RPAP2: variants seen among roughly 807,000 people sequenced by gnomAD.
The protein encoded by RPAP2 is RNA polymerase II associated protein 2.
RPAP2 carries 52 observed loss-of-function variants against 73.1 expected under a neutral mutation model. That is an observed-to-expected ratio of 0.71 (90% CI 0.57 to 0.90). The LOEUF (loss-of-function observed/expected upper bound fraction) is 0.90. Ranked by LOEUF, RPAP2 falls within the 40% of genes least tolerant of loss-of-function variation. The pLI, the probability that RPAP2 is intolerant of heterozygous loss-of-function variation, is 0.00. For synonymous variants in RPAP2, 225 were observed against 242.1 expected (o/e 0.93, Z 0.65); for missense variants, 598 against 701.8 (o/e 0.85, Z 1.67).
Position 92,389,595 on chromosome 1 carries a change from C to G in RPAP2, c.*2584C>G, listed in dbSNP as rs1475166457. ...AGAAGGTCGGTAATAACAAACTTCT[C>G]CAAGCTAAAGGAGCATGTTCTAATG... is the stretch of plus-strand genomic sequence containing the variant. On this transcript the variant is annotated 3_prime_UTR_variant, in exon 13 of 13. Transcript: ENST00000610020. 1 of 152,092 alleles carries G rather than the reference C, an allele frequency of 6.6e-6. No homozygotes were observed. The highest frequency in any genetic ancestry group is 1.5e-5 in the Non-Finnish European group (1 of 68,040). 9.4% of individuals were successfully genotyped at this position (152,092 alleles called of 1,614,324 possible).
intron 11 of RPAP2, among the ~76,000 whole-genome samples, chr1:92,347,308 T>A (rs1653953272): frequency 6.6e-6 from 1 of 152,210 alleles, no homozygotes; most frequent in Non-Finnish European, 1.5e-5. Flanking sequence ...TTTGTAAATA[T>A]TTTGGTCACT....
At chr1:92,331,361 G>C (rs759273443) in intron 8 of RPAP2, among the ~76,000 whole-genome samples, 4 of 152,046 alleles carry the variant, frequency 2.6e-5, no homozygotes, top group Non-Finnish European at 5.9e-5. Context: ...CAGTATTTGG[G>C]TTTAAATCTA....
At chr1:92,376,863 C>T (rs1009973156) in intron 11 of RPAP2, among the ~76,000 whole-genome samples, 1 of 152,224 alleles carries the variant, frequency 6.6e-6, no homozygotes, top group Non-Finnish European at 1.5e-5. Context: ...TAACCTGCTA[C>T]TTACTATCTT....
chr1:92,373,739 TAAAAAAAAAAAAAAAA>T (rs59586077), intron 11 of RPAP2, among the ~76,000 whole-genome samples: 1 of 80,484 alleles, frequency 1.2e-5, no homozygotes, highest in Non-Finnish European at 2.5e-5. Flanking sequence ...CTACTAAAAA[TAAAAAAAAAAAAAAAA>T]AAAAAAAAAA....
chr1:92,344,707 G>A (rs1309908171), intron 10 of RPAP2, among the ~76,000 whole-genome samples: 1 of 152,124 alleles, frequency 6.6e-6, no homozygotes, highest in Non-Finnish European at 1.5e-5. Context: ...CACATCAACA[G>A]TGTGTTAAAG....
At chr1:92,318,717 T>C (rs1652072122) in intron 6 of RPAP2, among the ~76,000 whole-genome samples, 1 of 152,208 alleles carries the variant, frequency 6.6e-6, no homozygotes, top group Non-Finnish European at 1.5e-5. Flanking sequence ...GGGCCTTGCT[T>C]TATGATTTAT....
rs766673843 is a variant in RPAP2, at chr1:92,333,474, G to GT, written c.1538+2dup. On this transcript the variant is annotated splice_donor_variant, in intron 9 of 12. Transcript: ENST00000610020. LOFTEE classifies it high-confidence loss of function. ...TCGTACTTGAAAAGTTGAGTAAAGT[G>GT]TAAGTATGTAATTGCCATTCCAGCT... The GT allele has an allele frequency of 1.3e-5, 21 of 1,604,894 alleles. No homozygotes were observed. The highest frequency in any genetic ancestry group is 5.4e-5 in the African/African-American group (4 of 74,754).
At chr1:92,325,363 GC>G (rs898237045) in intron 8 of RPAP2, among the ~76,000 whole-genome samples, 2 of 151,994 alleles carry the variant, frequency 1.3e-5, no homozygotes, top group Non-Finnish European at 2.9e-5. Flanking sequence ...GTGTTGCTTG[GC>G]CCAGCACCCT....
intron 6 of RPAP2, among the ~76,000 whole-genome samples, chr1:92,315,863 G>A (rs1464281334): frequency 6.6e-6 from 1 of 152,142 alleles, no homozygotes; most frequent in Non-Finnish European, 1.5e-5. Flanking sequence ...TACCCTGTTA[G>A]AGACAAAACA....
Position 92,323,631 on chromosome 1 carries a change from T to TA in RPAP2, c.712dup (p.Ile238AsnfsTer2). The TA allele has an allele frequency of 1.9e-6, 3 of 1,613,952 alleles. No homozygotes were observed. The highest frequency in any genetic ancestry group is 2.5e-6 in the Non-Finnish European group (3 of 1,179,978). On this transcript the variant is annotated frameshift_variant, in exon 8 of 13. Coordinates refer to ENST00000610020, the MANE Select transcript of RPAP2 (RefSeq NM_024813.3). LOFTEE classifies it high-confidence loss of function. ...CAGGAAACAGACCAAATTCAACAAA[T>TA]ATTAGACCACAGCTGCACCAAAAAA...
chr1:92,395,152 AC>A lies in RPAP2; in HGVS notation c.*8142del, dbSNP rs1323974349. 2.0e-5 allele frequency: 3 copies of A among 152,224 alleles called. No individual in the cohort carries two copies. Among genetic ancestry groups the A allele is most frequent in the Non-Finnish European group, 2.9e-5 (2 of 68,044 alleles). 9.4% of individuals were successfully genotyped at this position (152,224 alleles called of 1,614,324 possible). ...TACCTCCTACCATATGCAAAAATAA[AC>A]TCAAAATTGATCACACACCTACATG... On this transcript the variant is annotated 3_prime_UTR_variant, in exon 13 of 13. Coordinates refer to ENST00000610020, the MANE Select transcript of RPAP2 (RefSeq NM_024813.3).
At chr1:92,320,914 A>G (rs1472818767) in intron 7 of RPAP2, among the ~76,000 whole-genome samples, 6 of 152,258 alleles carry the variant, frequency 3.9e-5, no homozygotes, top group Admixed American at 2.6e-4. Context: ...CATCTCAGAT[A>G]CCATGCTTCT....
Position 92,368,574 on chromosome 1 carries a change from G to A in RPAP2, c.1689-12150G>A, listed in dbSNP as rs1450942662. On this transcript the variant is annotated intron_variant, in intron 11 of 12. Transcript: ENST00000610020. ...TACCTTACTTCTGAGGTTTAGTCAA[G>A]AGTTTGTACAGCTCTAAATCCTTGG... 3.9e-5 allele frequency among the ~76,000 whole-genome samples: 6 copies of A among 152,146 alleles called. 1 individual carries two copies. The highest frequency in any genetic ancestry group is 2.0e-4 in the Admixed American group (3 of 15,274).
At chr1:92,313,303 G>C (rs1391265850) in intron 6 of RPAP2, among the ~76,000 whole-genome samples, 3 of 152,196 alleles carry the variant, frequency 2.0e-5, no homozygotes, top group African/African-American at 7.2e-5. Flanking sequence ...CTTGAAAGTT[G>C]AAATTACTCC....
In RPAP2 at chr1:92,387,331, T is replaced by C. The variant is rs1219056946; in HGVS notation, c.*320T>C. The C allele has an allele frequency of 5.3e-6, 1 of 188,324 alleles. No homozygotes were observed. The highest frequency in any genetic ancestry group is 1.9e-4 in the South Asian group (1 of 5,130). The allele number at this position is 188,324 out of a possible 1,614,324, so 11.7% of individuals were successfully genotyped here. Reference sequence around the variant, plus strand: ...ATGAATATTCAAGAAAATATAATGATCTCTACTTTTTCTGGATGATTTCCA... The same window carrying C: ...ATGAATATTCAAGAAAATATAATGACCTCTACTTTTTCTGGATGATTTCCA... On this transcript the variant is annotated 3_prime_UTR_variant, in exon 13 of 13. Transcript: ENST00000610020.
chr1:92,305,582 CA>C (rs964665061), intron 5 of RPAP2, among the ~76,000 whole-genome samples: 29 of 142,028 alleles, frequency 2.0e-4, no homozygotes, highest in African/African-American at 5.2e-4. Flanking sequence ...TCAGAAGTTT[CA>C]AAAAAAAAAT....
intron 10 of RPAP2, 21 bp from the exon 11 acceptor site, chr1:92,345,825 T>C (rs980384681): frequency 7.0e-7 from 1 of 1,435,666 alleles, no homozygotes. Context: ...ACTCCTTGGA[T>C]AAATTTTATC....
At chr1:92,333,035 A>C (rs764133741) in intron 8 of RPAP2, among the ~76,000 whole-genome samples, 6 of 152,152 alleles carry the variant, frequency 3.9e-5, no homozygotes, top group Non-Finnish European at 8.8e-5. Flanking sequence ...TGAACTCCTC[A>C]TAATATATTT....
chr1:92,375,277 C>A (rs1655338250), intron 11 of RPAP2, among the ~76,000 whole-genome samples: 1 of 152,148 alleles, frequency 6.6e-6, no homozygotes, highest in Non-Finnish European at 1.5e-5. Flanking sequence ...AGTATTTATT[C>A]ATGTATACAT....
Sources: gnomAD v4.1 joint callset for allele counts (sites outside exome capture counted in the v4.1 genomes callset) on GRCh38, gnomAD v4.1.1 for gene constraint, MANE v1.5 for transcripts, NCBI Gene and HGNC (gene_info 2026-07-23, HGNC 2026-07-21) for gene names.